The following ARHGEF12 variants were observed in gnomAD, a reference collection of about 807,000 sequenced individuals.
The protein encoded by ARHGEF12 is KMT2A/ARHGEF12 fusion protein.
Under a neutral mutation model 211.2 loss-of-function variants are expected in ARHGEF12, and 66 were observed. The observed-to-expected ratio is 0.31, with a 90% CI of 0.26 to 0.38. The LOEUF (loss-of-function observed/expected upper bound fraction) is 0.38. Ranked by LOEUF, ARHGEF12 falls within the 10% of genes least tolerant of loss-of-function variation. The probability of loss-of-function intolerance (pLI) is 1.00; values close to 1 mark genes in which losing one functional copy is unlikely to be tolerated. For synonymous variants in ARHGEF12, 592 were observed against 638.4 expected (o/e 0.93, Z 1.09); for missense variants, 1,429 against 1,869.5 (o/e 0.76, Z 4.34).
At chr11:120,420,287 G>C (rs12274049) in intron 4 of ARHGEF12, among the ~76,000 whole-genome samples, 2,004 of 152,180 alleles carry the variant, frequency 0.013, 53 homozygotes, top group African/African-American at 0.046. Context: ...ATTTTCTTGA[G>C]AGTGAGACTG....
intron 1 of ARHGEF12, among the ~76,000 whole-genome samples, chr11:120,382,049 T>C (rs1943892542): frequency 6.6e-6 from 1 of 152,254 alleles, no homozygotes; most frequent in African/African-American, 2.4e-5. Context: ...TACTATTCCA[T>C]TGTGTGGATG....
In ARHGEF12 at chr11:120,478,190, G is replaced by A. The variant is rs764807729; in HGVS notation, c.3567G>A (p.Ser1189=). ...RDLGLESTLI[S]SKPQSHSLST... ...TGGGATTAGAATCTACCTTAATATC[G>A]TCAAAACCTCAGTCTCATTCACTGA... Residue 1189 remains serine, a synonymous_variant, in exon 37 of 41, where the codon TCG becomes TCA. Transcript: ENST00000397843. The A allele has an allele frequency of 1.1e-5, 17 of 1,613,312 alleles. No homozygotes were observed. Among genetic ancestry groups the A allele is most frequent in the Admixed American group, 6.7e-5 (4 of 59,960 alleles).
chr11:120,477,411 A>T (rs1480749468), intron 35 of ARHGEF12, 36 bp from the exon 36 acceptor site: 1 of 1,539,188 alleles, frequency 6.5e-7, no homozygotes, highest in African/African-American at 1.4e-5. Flanking sequence ...TACCTCAGGA[A>T]GGTAAAAGTT....
chr11:120,445,110 T>C (rs915362548), intron 15 of ARHGEF12, among the ~76,000 whole-genome samples: 7 of 152,228 alleles, frequency 4.6e-5, no homozygotes, highest in Non-Finnish European at 1.0e-4. Context: ...CTGATTATAT[T>C]GACCAATGAT....
In ARHGEF12 at chr11:120,489,247, T is replaced by C. The variant is rs116902816; in HGVS notation, c.*4170T>C. On this transcript the variant is annotated 3_prime_UTR_variant, in exon 41 of 41. Coordinates refer to ENST00000397843, the MANE Select transcript of ARHGEF12 (RefSeq NM_015313.3). ...GCATGTGGGGCAGGTTTGTTGTTTT[T>C]TTAATAGCTTTATTGAGATATTCAC... is the stretch of plus-strand genomic sequence containing the variant. 6,672 of 228,046 alleles carry C rather than the reference T, an allele frequency of 0.029. 151 individuals are homozygous for C. The highest frequency in any genetic ancestry group is 0.074 in the Middle Eastern group (56 of 760). The allele number at this position is 228,046 out of a possible 1,614,324, so 14.1% of individuals were successfully genotyped here.
rs536091799 is a variant in ARHGEF12 at position 120,440,090 on chromosome 11, C to T, written c.1000-39C>T. On this transcript the variant is annotated intron_variant, in intron 12 of 40. Transcript: ENST00000397843. ...TTATTCTTTTTCTAAATTTGACCAC[C>T]AGGTAATTTTTCTGTTTCTTTTCCC... is the stretch of plus-strand genomic sequence containing the variant. 1.1e-5 allele frequency: 15 copies of T among 1,418,690 alleles called. No homozygotes were observed. The East Asian group carries it at 3.4e-4, about 32-fold the overall frequency. 87.9% of individuals were successfully genotyped at this position (1,418,690 alleles called of 1,614,324 possible).
intron 4 of ARHGEF12, among the ~76,000 whole-genome samples, chr11:120,416,196 G>GACCT (rs1945022237): frequency 6.6e-6 from 1 of 152,086 alleles, no homozygotes; most frequent in Non-Finnish European, 1.5e-5. Flanking sequence ...TCTCTCCGAT[G>GACCT]ACCTCCCTTT....
chr11:120,371,072 A>C (rs1943575814), intron 1 of ARHGEF12, among the ~76,000 whole-genome samples: 1 of 152,258 alleles, frequency 6.6e-6, no homozygotes, highest in African/African-American at 2.4e-5. Context: ...TCTACCTCAC[A>C]GAATCAAGTG....
At chr11:120,350,195 A>G (rs886567864) in intron 1 of ARHGEF12, among the ~76,000 whole-genome samples, 1 of 152,166 alleles carries the variant, frequency 6.6e-6, no homozygotes, top group Admixed American at 6.5e-5. Flanking sequence ...ATAGAGTGAT[A>G]TTTATTCATC....
intron 31 of ARHGEF12, 93 bp downstream of exon 31, chr11:120,473,220 C>G (rs1364714316): frequency 9.1e-7 from 1 of 1,094,248 alleles, no homozygotes; most frequent in South Asian, 1.3e-5. Flanking sequence ...TATACGTCAC[C>G]TGAAGGAGTT....
intron 27 of ARHGEF12, 69 bp from the exon 28 acceptor site, chr11:120,465,168 G>T: frequency 6.3e-7 from 1 of 1,589,400 alleles, no homozygotes; most frequent in South Asian, 1.1e-5. Flanking sequence ...CTGGTTGTCT[G>T]TCACTTTGTC....
At chr11:120,397,833 G>A (rs1944434687) in intron 1 of ARHGEF12, among the ~76,000 whole-genome samples, 1 of 152,094 alleles carries the variant, frequency 6.6e-6, no homozygotes. Context: ...TGAAGTTAAA[G>A]TTGTCAATAT....
At chr11:120,355,747 C>A (rs1269542868) in intron 1 of ARHGEF12, among the ~76,000 whole-genome samples, 2 of 152,140 alleles carry the variant, frequency 1.3e-5, no homozygotes, top group Non-Finnish European at 2.9e-5. Context: ...CTTTTTGACT[C>A]TTGATTCATT....
rs1944928485 is a variant in ARHGEF12, at chr11:120,412,880, A to AG, written c.199+3432dup. 2.6e-5 allele frequency among the ~76,000 whole-genome samples: 4 copies of AG among 152,170 alleles called. No homozygotes were observed. The South Asian group carries it at 8.3e-4, about 32-fold the overall frequency. On this transcript the variant is annotated intron_variant, in intron 4 of 40. Coordinates refer to ENST00000397843, the MANE Select transcript of ARHGEF12 (RefSeq NM_015313.3). ...CGTCCCCTGTGGTCAGCTATTTGCC[A>AG]GGTCCCCTTGATTCTACCATCACAA...
intron 1 of ARHGEF12, among the ~76,000 whole-genome samples, chr11:120,368,823 T>A (rs1401751973): frequency 6.6e-6 from 1 of 152,166 alleles, no homozygotes; most frequent in Admixed American, 6.5e-5. Flanking sequence ...TACAGATTAT[T>A]TTGTCACCCA....
In ARHGEF12 at chr11:120,407,794, G is replaced by A. The variant is rs374271700; in HGVS notation, c.113G>A (p.Arg38His). 10 of 1,613,294 alleles carry A rather than the reference G, an allele frequency of 6.2e-6. No individual in the cohort carries two copies. In the Middle Eastern group the frequency reaches 4.9e-4, roughly 80 times the overall value. The part of the protein sequence containing the change: ...SPTDKKQKVE[R>H]IASHDFDPTD... ...ACAGATAAGAAGCAGAAAGTTGAGC[G>A]CATTGCATCACATGATTTTGACCCC... Residue 38 changes from arginine to histidine, a missense_variant, in exon 3 of 41, where the codon CGC (arginine) becomes CAC (histidine). Physicochemically the swap from Arg to His is conservative, Grantham distance 29. Around this residue, in one of 7 missense-constraint regions of ARHGEF12, gnomAD observed 41 missense variants for 48.6 expected, o/e 0.84. Transcript: ENST00000397843.
chr11:120,435,690 G>A (rs1945674701), intron 11 of ARHGEF12, among the ~76,000 whole-genome samples: 1 of 151,280 alleles, frequency 6.6e-6, no homozygotes, highest in African/African-American at 2.4e-5. Flanking sequence ...AATTTTTTTT[G>A]TATTTTTAAT....
chr11:120,368,798 C>G (rs1943505716), intron 1 of ARHGEF12, among the ~76,000 whole-genome samples: 1 of 152,000 alleles, frequency 6.6e-6, no homozygotes, highest in South Asian at 2.1e-4. Context: ...AAACTCTTGT[C>G]ATGGGGGTTT....
At chr11:120,383,518 G>A (rs892995152) in intron 1 of ARHGEF12, among the ~76,000 whole-genome samples, 3 of 152,172 alleles carry the variant, frequency 2.0e-5, no homozygotes, top group Non-Finnish European at 4.4e-5. Context: ...GGTCCCATCT[G>A]TGGGTGATGG....
Sources: gnomAD v4.1 joint callset for allele counts (sites outside exome capture counted in the v4.1 genomes callset) on GRCh38, gnomAD v4.1.1 for gene constraint, gnomAD v4.1.1 regional missense constraint, MANE v1.5 for transcripts, NCBI Gene and HGNC (gene_info 2026-07-23, HGNC 2026-07-21) for gene names.